MARVELD3: variants seen among roughly 807,000 people sequenced by gnomAD.
MARVELD3 encodes MARVEL domain-containing protein 3.
MARVELD3 carries 28 observed loss-of-function variants against 33.5 expected under a neutral mutation model. The ratio of observed to expected loss-of-function variants is 0.84; its 90% confidence interval spans 0.62 to 1.15. The LOEUF (loss-of-function observed/expected upper bound fraction) is 1.15. Among genes scored for constraint, MARVELD3 ranks in the 50% most tolerant of loss-of-function variants. The pLI is 0.00. For missense variants in MARVELD3, 582 were observed against 547.6 expected (o/e 1.06, Z -0.63); for synonymous variants, 241 against 230.4 (o/e 1.05, Z -0.42).
At chr16:71,630,610 G>C (rs2044524018) in intron 2 of MARVELD3, among the ~76,000 whole-genome samples, 1 of 150,420 alleles carries the variant, frequency 6.6e-6, no homozygotes, top group African/African-American at 2.4e-5. Context: ...GGCAACAAGA[G>C]CGAAACTACG....
At chr16:71,638,391 A>G (rs986044368), downstream of MARVELD3, 3 of 152,742 alleles carry the variant, frequency 2.0e-5, no homozygotes, top group South Asian at 6.2e-4. Context: ...CATCTGGAAG[A>G]TACAGTAAAT....
At position 71,626,207 on chromosome 16, in the gene MARVELD3, G is replaced by C. The variant is rs939516660; in HGVS notation, c.-23G>C. 3.4e-6 allele frequency: 5 copies of C among 1,449,336 alleles called. No homozygotes were observed. Among genetic ancestry groups the C allele is most frequent in the Non-Finnish European group, 3.6e-6 (4 of 1,103,748 alleles). 89.8% of individuals were successfully genotyped at this position (1,449,336 alleles called of 1,614,324 possible). On this transcript the variant is annotated 5_prime_UTR_variant, in exon 1 of 3. Coordinates refer to ENST00000268485, the MANE Select transcript of MARVELD3 (RefSeq NM_052858.6). This position sits in a 1 kb window ranked among gnomAD's most constrained non-coding sequence, Gnocchi z 5.3. ...TGGTTGTTGCCCTCAGGTCGCTCCC[G>C]GGCGGGGACACGGAACCCGGCCATG...
intron 1 of MARVELD3, among the ~76,000 whole-genome samples, chr16:71,627,169 TA>T (rs2044482088): frequency 6.6e-6 from 1 of 152,152 alleles, no homozygotes; most frequent in Non-Finnish European, 1.5e-5. Flanking sequence ...GATGAAGAGT[TA>T]ATAGTTTAAT....
In MARVELD3 at chr16:71,626,460, G is replaced by C; in HGVS notation, c.231G>C (p.Arg77Ser). The part of the protein sequence containing the change: ...GNRDRNRDRE[R>S]ERERERDPDR... ...GCGACCGGAACCGGGACCGGGAGAG[G>C]GAGAGAGAGAGGGAAAGAGACCCGG... The change falls in exon 1 of 3, where the codon AGG (arginine) becomes AGC (serine). Residue 77 changes from arginine (R) to serine (S), a missense_variant. By Grantham distance (110) the Arg-to-Ser change is moderately radical. Coordinates refer to ENST00000268485, the MANE Select transcript of MARVELD3 (RefSeq NM_052858.6). This position sits in a 1 kb window ranked among gnomAD's most constrained non-coding sequence, Gnocchi z 5.3. 6.5e-7 allele frequency: 1 copy of C among 1,549,320 alleles called. No individual in the cohort carries two copies. The highest frequency in any genetic ancestry group is 8.7e-7 in the Non-Finnish European group (1 of 1,146,746).
In MARVELD3 at chr16:71,634,423, T is replaced by C. The variant is rs1264721716; in HGVS notation, c.826T>C (p.Cys276Arg). Residue 276 changes from cysteine to arginine, a missense_variant, in exon 3 of 3, where the codon TGT (cysteine) becomes CGT (arginine). Coordinates refer to ENST00000268485, the MANE Select transcript of MARVELD3 (RefSeq NM_052858.6). ...KLPMVTVAMACSGALTALCCL... is the reference protein window; with the variant it reads ...KLPMVTVAMARSGALTALCCL... ...GCCCATGGTCACTGTGGCAATGGCC[T>C]GTAGTGGAGCCCTCACAGCCCTCTG... 1 of 1,614,226 alleles carries C rather than the reference T, an allele frequency of 6.2e-7. No individual in the cohort carries two copies. Among genetic ancestry groups the C allele is most frequent in the Non-Finnish European group, 8.5e-7 (1 of 1,180,032 alleles).
downstream of MARVELD3, chr16:71,640,900 T>C (rs751389133): frequency 6.2e-7 from 1 of 1,614,162 alleles, no homozygotes; most frequent in Non-Finnish European, 8.5e-7. Context: ...CTTCTCGTGA[T>C]CATGTACGGC....
chr16:71,631,679 C>G (rs2044535753), intron 2 of MARVELD3, among the ~76,000 whole-genome samples: 1 of 151,908 alleles, frequency 6.6e-6, no homozygotes, highest in Non-Finnish European at 1.5e-5. Context: ...AACTCCTGAC[C>G]TCGTGATCTG....
chr16:71,637,600 C>T (rs1597079318), downstream of MARVELD3, among the ~76,000 whole-genome samples: 2 of 152,078 alleles, frequency 1.3e-5, no homozygotes, highest in African/African-American at 4.8e-5. Context: ...CCCTGTGGAC[C>T]GCTAGGAATT....
At chr16:71,630,074 T>C (rs1364280972) in intron 2 of MARVELD3, among the ~76,000 whole-genome samples, 1 of 140,378 alleles carries the variant, frequency 7.1e-6, no homozygotes, top group African/African-American at 2.7e-5. Flanking sequence ...ATACCCCATC[T>C]CTAGTTTAAA....
chr16:71,635,016 T>G lies in MARVELD3; in HGVS notation c.*213T>G, dbSNP rs528567259. 10 of 1,275,136 alleles carry G rather than the reference T, an allele frequency of 7.8e-6. No individual in the cohort carries two copies. The South Asian group carries it at 2.3e-4, about 30-fold the overall frequency. The allele number at this position is 1,275,136 out of a possible 1,614,324, so 79.0% of individuals were successfully genotyped here. A position where few individuals can be genotyped will look rare whatever the true frequency, so the allele number is the denominator to read the frequency against. On this transcript the variant is annotated 3_prime_UTR_variant, in exon 3 of 3. Transcript: ENST00000268485. ...GAGTCCTCTGTGAGTGAGGGACCAA[T>G]CAAAATTATTTTTCAAAAAGCAAAA...
rs150498655 is a variant in MARVELD3 at position 71,634,539 on chromosome 16, G to T, written c.942G>T (p.Ala314=). The T allele has an allele frequency of 2.4e-4, 381 of 1,613,948 alleles. No homozygotes were observed. The African/African-American group carries it at 4.1e-3, about 17-fold the overall frequency. ...VTEGLLDMLI[A]GGYIPALYFY... ...AAGGCTTGTTGGACATGCTCATCGC[G>T]GGGGGGTACATCCCGGCCTTGTACT... Residue 314 remains alanine, a synonymous_variant, in exon 3 of 3, where the codon GCG becomes GCT. Transcript: ENST00000268485.
chr16:71,636,918 C>T (rs1003039287), downstream of MARVELD3, among the ~76,000 whole-genome samples: 5 of 152,176 alleles, frequency 3.3e-5, no homozygotes, highest in African/African-American at 1.2e-4. Flanking sequence ...CAACAAAGAT[C>T]TCATGTCGTT....
chr16:71,626,721 C>T lies in MARVELD3; in HGVS notation c.467+25C>T, dbSNP rs2044476908. On this transcript the variant is annotated intron_variant, in intron 1 of 2. Transcript: ENST00000268485. This position sits in a 1 kb window ranked among gnomAD's most constrained non-coding sequence, Gnocchi z 5.3. The stretch of plus-strand genomic sequence containing the variant: ...GGTGAGAGGGGCCGGGGCGCTGCGA[C>T]CTCCGCGCCGGGGACACCTGTGGCC... The T allele has an allele frequency of 7.0e-7, 1 of 1,427,182 alleles. No individual in the cohort carries two copies. Among genetic ancestry groups the T allele is most frequent in the Non-Finnish European group, 9.1e-7 (1 of 1,097,554 alleles). 88.4% of individuals were successfully genotyped at this position (1,427,182 alleles called of 1,614,324 possible).
chr16:71,634,052 C>A (rs995707003), intron 2 of MARVELD3, 141 bp from the exon 3 acceptor site: 1 of 1,332,996 alleles, frequency 7.5e-7, no homozygotes, highest in Non-Finnish European at 1.0e-6. Flanking sequence ...TAGTTTTAAT[C>A]GCGCTGCTTT....
rs931998025 is a variant in MARVELD3, at chr16:71,636,034, G to A, written c.*1231G>A. The stretch of plus-strand genomic sequence containing the variant: ...TTCCCAACAGAAGAGTGTTACTTTT[G>A]GTCAGACAACTTCATGGGTTCTTAC... On this transcript the variant is annotated 3_prime_UTR_variant, in exon 3 of 3. Transcript: ENST00000268485. 2 of 985,186 alleles carry A rather than the reference G, an allele frequency of 2.0e-6. No individual in the cohort carries two copies. Among genetic ancestry groups the A allele is most frequent in the Non-Finnish European group, 2.4e-6 (2 of 829,922 alleles). The allele number at this position is 985,186 out of a possible 1,614,324, so 61.0% of individuals were successfully genotyped here.
intron 2 of MARVELD3, among the ~76,000 whole-genome samples, chr16:71,632,051 A>G (rs2145277618): frequency 6.6e-6 from 1 of 152,352 alleles, no homozygotes; most frequent in East Asian, 1.9e-4. Flanking sequence ...GAAACCACAC[A>G]CACAAAAGGA....
Position 71,635,188 on chromosome 16 carries a change from G to T in MARVELD3, c.*385G>T. The T allele has an allele frequency of 1.3e-6, 1 of 743,048 alleles. No homozygotes were observed. The highest frequency in any genetic ancestry group is 1.6e-6 in the Non-Finnish European group (1 of 606,716). The allele number at this position is 743,048 out of a possible 1,614,324, so 46.0% of individuals were successfully genotyped here. On this transcript the variant is annotated 3_prime_UTR_variant, in exon 3 of 3. Coordinates refer to ENST00000268485, the MANE Select transcript of MARVELD3 (RefSeq NM_052858.6). ...ACTAAAATACAAAAAAATTAGCCAG[G>T]CGTGGTGGCGGGCGCCTGTAATCCC...
downstream of MARVELD3, chr16:71,640,299 A>C: frequency 1.4e-6 from 2 of 1,407,732 alleles, no homozygotes. Flanking sequence ...TGAATCAACC[A>C]CGTCCTTAAA....
chr16:71,639,792 T>C (rs2044604605), downstream of MARVELD3, among the ~76,000 whole-genome samples: 1 of 152,186 alleles, frequency 6.6e-6, no homozygotes, highest in African/African-American at 2.4e-5. Flanking sequence ...GTCCATGGTA[T>C]GGGTGTACCC....
Sources: gnomAD v4.1 joint callset for allele counts (sites outside exome capture counted in the v4.1 genomes callset) on GRCh38, gnomAD v4.1.1 for gene constraint, Gnocchi (gnomAD v3.1) non-coding constraint, MANE v1.5 for transcripts, NCBI Gene and HGNC (gene_info 2026-07-23, HGNC 2026-07-21) for gene names.